Variants in ZNF497 observed in about 807,000 individuals in gnomAD.
ZNF497 encodes the protein zinc finger-like protein.
For synonymous variants in ZNF497, 422 were observed against 313.7 expected, an observed-to-expected ratio of 1.35 and a Z score of -3.65; for missense variants, 930 against 714.0, an observed-to-expected ratio of 1.30 and a Z score of -3.45.
chr19:58,356,321 CGCCAGAGT>C lies in ZNF497; in HGVS notation c.1307_1314del (p.His436ArgfsTer169), dbSNP rs2052018244. ...CAGTGGGCGCAGACGAACGGCCTCT[CGCCAGAGT>C]GCAGGCGCTGGTGCTGGCGCAGCTC... On this transcript the variant is annotated frameshift_variant, in exon 3 of 3. Coordinates refer to ENST00000311044, the MANE Select transcript of ZNF497 (RefSeq NM_198458.3). 1.3e-6 allele frequency: 2 copies of C among 1,576,942 alleles called. No homozygotes were observed. The highest frequency in any genetic ancestry group is 2.3e-5 in the South Asian group (2 of 87,378).
chr19:58,360,989 A>G (rs1300679291), intron 1 of ZNF497, among the ~76,000 whole-genome samples: 2 of 151,522 alleles, frequency 1.3e-5, no homozygotes, highest in African/African-American at 2.4e-5. Context: ...TCACCGTGTT[A>G]GCCAGGATGG....
intron 1 of ZNF497, among the ~76,000 whole-genome samples, chr19:58,360,767 C>G (rs111990887): frequency 8.4e-4 from 29 of 34,530 alleles, no homozygotes; most frequent in African/African-American, 3.4e-3. Flanking sequence ...GTCCCGAACT[C>G]TTTTTTTTTT....
Position 58,356,294 on chromosome 19 carries a change from T to G in ZNF497, c.1342A>C (p.Ser448Arg), listed in dbSNP as rs1330245022. Residue 448 changes from serine to arginine, a missense_variant, in exon 3 of 3, where the codon AGC becomes CGC. Transcript: ENST00000311044. ...GERPFVCAHC[S>R]KAFVRKSELL... ...TCCGACTTGCGCACGAAGGCCTTGC[T>G]GCAGTGGGCGCAGACGAACGGCCTC... is the stretch of plus-strand genomic sequence containing the variant. 3 of 1,537,404 alleles carry G rather than the reference T, an allele frequency of 2.0e-6. No homozygotes were observed. Among genetic ancestry groups the G allele is most frequent in the Non-Finnish European group, 2.6e-6 (3 of 1,143,194 alleles).
chr19:58,356,302 G>C lies in ZNF497; in HGVS notation c.1334C>G (p.Ala445Gly). 6.3e-7 allele frequency: 1 copy of C among 1,588,292 alleles called. No individual in the cohort carries two copies. Among genetic ancestry groups the C allele is most frequent in the East Asian group, 2.3e-5 (1 of 43,878 alleles). ...GCGCACGAAGGCCTTGCTGCAGTGG[G>C]CGCAGACGAACGGCCTCTCGCCAGA... ...LHSGERPFVCAHCSKAFVRKS... is the reference protein window; with the variant it reads ...LHSGERPFVCGHCSKAFVRKS... The change falls in exon 3 of 3, where the codon GCC (alanine) becomes GGC (glycine). Residue 445 changes from alanine to glycine, a missense_variant. Physicochemically the swap from Ala to Gly is moderately conservative, Grantham distance 60 (BLOSUM62 0). Coordinates refer to ENST00000311044, the MANE Select transcript of ZNF497 (RefSeq NM_198458.3).
In ZNF497 at chr19:58,354,408, G is replaced by C. The variant is rs2051995615; in HGVS notation, c.*1731C>G. On this transcript the variant is annotated 3_prime_UTR_variant, in exon 3 of 3. Coordinates refer to ENST00000311044, the MANE Select transcript of ZNF497 (RefSeq NM_198458.3). ...TCTACTGTGTGCCAGATGCAAAGAAGACAGTGGGATAACTGGGCAAGGAGC... is the reference window on the plus strand; with the variant it reads ...TCTACTGTGTGCCAGATGCAAAGAACACAGTGGGATAACTGGGCAAGGAGC... 1 of 152,414 alleles carries C rather than the reference G, an allele frequency of 6.6e-6. No individual in the cohort carries two copies. Among genetic ancestry groups the C allele is most frequent in the Non-Finnish European group, 1.5e-5 (1 of 68,174 alleles). 9.4% of individuals were successfully genotyped at this position (152,414 alleles called of 1,614,324 possible).
rs1325411726 is a variant in ZNF497, at chr19:58,357,486, C to T, written c.150G>A (p.Glu50=). The change falls in exon 3 of 3, where the codon GAG becomes GAA. Residue 50 remains glutamate, a synonymous_variant. Coordinates refer to ENST00000311044, the MANE Select transcript of ZNF497 (RefSeq NM_198458.3). ...AWENSTEVPR[E]AGDGQRQQAT... ...CTTGCTGCCGCTGGCCGTCCCCTGC[C>T]TCCCTCGGAACCTCCGTGGAGTTTT... 8 of 1,596,058 alleles carry T rather than the reference C, an allele frequency of 5.0e-6. No individual in the cohort carries two copies. The highest frequency in any genetic ancestry group is 6.8e-6 in the Non-Finnish European group (8 of 1,171,782).
At chr19:58,360,061 A>C (rs1012407366) in intron 1 of ZNF497, among the ~76,000 whole-genome samples, 1 of 152,234 alleles carries the variant, frequency 6.6e-6, no homozygotes, top group Non-Finnish European at 1.5e-5. Context: ...GAAAAAATTC[A>C]GACACAAAAG....
rs766536717 is a variant in ZNF497, at chr19:58,356,950, C to T, written c.686G>A (p.Trp229Ter). 1.3e-6 allele frequency: 2 copies of T among 1,594,148 alleles called. No individual in the cohort carries two copies. The highest frequency in any genetic ancestry group is 2.8e-5 in the African/African-American group (2 of 71,850). ...CCGGTGCTCCAGGAAATTGGAGTTC[C>T]AGCTGAAGGCCTTGCCGCACTCCGG... ...ECPECGKAFS[W>*]NSNFLEHRRV... The change falls in exon 3 of 3, where the codon TGG becomes TAG. Residue 229 changes from tryptophan to a stop codon, truncating the protein, a stop_gained. Transcript: ENST00000311044. LOFTEE classifies it low-confidence loss of function (END_TRUNC).
intron 2 of ZNF497, 43 bp from the exon 3 acceptor site, chr19:58,357,692 G>C (rs1474771136): frequency 6.7e-7 from 1 of 1,485,982 alleles, no homozygotes; most frequent in Non-Finnish European, 8.9e-7. Flanking sequence ...AGAATACAAA[G>C]AACACCAGAC....
At chr19:58,358,231 CTG>C in intron 2 of ZNF497, 1 of 1,289,906 alleles carries the variant, frequency 7.8e-7, no homozygotes, top group Non-Finnish European at 1.0e-6. Context: ...CACCAGGCCT[CTG>C]TGCAGGTCAG....
At chr19:58,360,330 C>T (rs560308219) in intron 1 of ZNF497, among the ~76,000 whole-genome samples, 119 of 151,974 alleles carry the variant, frequency 7.8e-4, no homozygotes, top group African/African-American at 2.7e-3. Flanking sequence ...CACCCAATCC[C>T]AAAAGCTTAA....
chr19:58,356,029 G>C lies in ZNF497; in HGVS notation c.*110C>G. The C allele has an allele frequency of 2.3e-6, 3 of 1,289,238 alleles. No individual in the cohort carries two copies. The highest frequency in any genetic ancestry group is 1.5e-5 in the African/African-American group (1 of 65,748). The allele number at this position is 1,289,238 out of a possible 1,614,324, so 79.9% of individuals were successfully genotyped here. A position where few individuals can be genotyped will look rare whatever the true frequency, so the allele number is the denominator to read the frequency against. ...GGCCGCCCCTGCACTCCCAGCAGGA[G>C]GGCGCCCGCACCGGCGGCCCGAAAA... On this transcript the variant is annotated 3_prime_UTR_variant, in exon 3 of 3. Coordinates refer to ENST00000311044, the MANE Select transcript of ZNF497 (RefSeq NM_198458.3).
At chr19:58,360,766 T>TG (rs1568560939) in intron 1 of ZNF497, among the ~76,000 whole-genome samples, 4 of 99,132 alleles carry the variant, frequency 4.0e-5, no homozygotes, top group African/African-American at 1.6e-4. Context: ...GGTCCCGAAC[T>TG]CTTTTTTTTT....
rs750415412 is a variant in ZNF497 at position 58,356,466 on chromosome 19, G to T, written c.1170C>A (p.Asp390Glu). 2 of 1,550,300 alleles carry T rather than the reference G, an allele frequency of 1.3e-6. No homozygotes were observed. The highest frequency in any genetic ancestry group is 1.4e-5 in the African/African-American group (1 of 72,818). ...HSGAKPFACA[D>E]CGKAFRGSSG... ...AACTGCCGCGGAAGGCCTTGCCGCA[G>T]TCGGCGCAGGCGAAGGGCTTGGCGC... Residue 390 changes from aspartate to glutamate, a missense_variant, in exon 3 of 3, where the codon GAC becomes GAA. Coordinates refer to ENST00000311044, the MANE Select transcript of ZNF497 (RefSeq NM_198458.3).
intron 1 of ZNF497, chr19:58,359,130 C>CT: frequency 1.6e-6 from 2 of 1,243,466 alleles, no homozygotes; most frequent in Non-Finnish European, 1.1e-6. Flanking sequence ...CCTCGGGGCC[C>CT]TGCTGCCTTC....
In ZNF497 at chr19:58,357,255, C is replaced by G. The variant is rs145735339; in HGVS notation, c.381G>C (p.Val127=). ...QGSYLLQHRR[V]HTGEKPYTCP... is the part of the protein sequence containing the mutation. ...ACGTGTACGGCTTCTCGCCTGTGTG[C>G]ACGCGCCGATGCTGCAGCAAGTAAG... is the stretch of plus-strand genomic sequence containing the variant. Residue 127 remains valine (V), a synonymous_variant, in exon 3 of 3, where the codon GTG becomes GTC. Coordinates refer to ENST00000311044, the MANE Select transcript of ZNF497 (RefSeq NM_198458.3). The G allele has an allele frequency of 2.1e-4, 335 of 1,612,816 alleles. 1 individual carries two copies. In the African/African-American group the frequency reaches 4.1e-3, roughly 20 times the overall value.
Position 58,357,542 on chromosome 19 carries a change from C to A in ZNF497, c.94G>T (p.Gly32Trp). ...GCCCCCCAGCCTCCAGACACAGCCC[C>A]CTCAGAGAGGCCCCTCGTGGCAGTC... ...VKTATRGLSE[G>W]AVSGGWGAWE... Residue 32 changes from glycine to tryptophan, a missense_variant, in exon 3 of 3, where the codon GGG becomes TGG. Transcript: ENST00000311044. 1 of 1,605,852 alleles carries A rather than the reference C, an allele frequency of 6.2e-7. No individual in the cohort carries two copies. The highest frequency in any genetic ancestry group is 8.5e-7 in the Non-Finnish European group (1 of 1,176,638).
chr19:58,356,633 A>C lies in ZNF497; in HGVS notation c.1003T>G (p.Cys335Gly), dbSNP rs2052024814. The stretch of plus-strand genomic sequence containing the variant: ...GAGCCCATGACGAAAGCCTGGCCGC[A>C]CTCGGCGCACTCGAAGGGCCGCTCA... ...TGERPFECAE[C>G]GQAFVMGSYL... Residue 335 changes from cysteine (C) to glycine (G), a missense_variant, in exon 3 of 3, where the codon TGC becomes GGC. Transcript: ENST00000311044. 1 of 1,544,970 alleles carries C rather than the reference A, an allele frequency of 6.5e-7. No individual in the cohort carries two copies.
In ZNF497 at chr19:58,357,390, G is replaced by A. The variant is rs754063744; in HGVS notation, c.246C>T (p.Asp82=). The part of the protein sequence containing the change: ...RELGPADGGR[D]GAGPRSEPAD... ...CAGGCTCGCTCCTGGGCCCAGCCCC[G>A]TCCCGCCCACCGTCTGCGGGGCCCA... Residue 82 remains aspartate, a synonymous_variant, in exon 3 of 3, where the codon GAC becomes GAT. Transcript: ENST00000311044. 15 of 1,594,284 alleles carry A rather than the reference G, an allele frequency of 9.4e-6. No individual in the cohort carries two copies. The highest frequency in any genetic ancestry group is 1.3e-5 in the Non-Finnish European group (15 of 1,171,892).
Sources: gnomAD v4.1 joint callset for allele counts (sites outside exome capture counted in the v4.1 genomes callset) on GRCh38, gnomAD v4.1.1 for gene constraint, MANE v1.5 for transcripts, NCBI Gene and HGNC (gene_info 2026-07-23, HGNC 2026-07-21) for gene names.